The following RUNDC3B variants were observed in gnomAD, a reference collection of about 807,000 sequenced individuals.
The protein encoded by RUNDC3B is RUN domain containing 3B, also known as RUN domain-containing protein 3B.
A neutral mutation model predicts 58.4 loss-of-function variants in RUNDC3B; 33 were observed. The observed-to-expected ratio is 0.56, with a 90% CI of 0.43 to 0.75. RUNDC3B has a LOEUF of 0.75. RUNDC3B is among the 30% of genes least tolerant of loss of function. The pLI, the probability that RUNDC3B is intolerant of heterozygous loss-of-function variation, is 0.00. For missense variants in RUNDC3B, 501 were observed against 535.7 expected, an observed-to-expected ratio of 0.94 and a Z score of 0.64; for synonymous variants, 193 against 195.2, an observed-to-expected ratio of 0.99 and a Z score of 0.10.
At chr7:87,733,852 C>T (rs1831755450) in intron 4 of RUNDC3B, among the ~76,000 whole-genome samples, 2 of 152,200 alleles carry the variant, frequency 1.3e-5, no homozygotes, top group African/African-American at 4.8e-5. Context: ...CAGTTCCTAA[C>T]AGGCCACGGA....
At chr7:87,764,610 T>C (rs555401622) in intron 6 of RUNDC3B, among the ~76,000 whole-genome samples, 2 of 151,964 alleles carry the variant, frequency 1.3e-5, no homozygotes, top group East Asian at 3.9e-4. Flanking sequence ...TCCATCTTTA[T>C]GTCCATGTTT....
At chr7:87,778,154 A>T (rs1369054624) in intron 8 of RUNDC3B, among the ~76,000 whole-genome samples, 199 bp downstream of exon 8, 1 of 152,186 alleles carries the variant, frequency 6.6e-6, no homozygotes, top group Non-Finnish European at 1.5e-5. Context: ...AAAAAAATAC[A>T]AGAAGAGGCC....
At chr7:87,775,754 T>G (rs1194435253) in intron 7 of RUNDC3B, among the ~76,000 whole-genome samples, 1 of 152,202 alleles carries the variant, frequency 6.6e-6, no homozygotes, top group Non-Finnish European at 1.5e-5. Flanking sequence ...TGTATTACAA[T>G]TGCCTACAGT....
chr7:87,629,091 C>A, intron 1 of RUNDC3B, 146 bp downstream of exon 1: 1 of 758,102 alleles, frequency 1.3e-6, no homozygotes, highest in Non-Finnish European at 1.8e-6. Flanking sequence ...TGTGAGCGCG[C>A]AGCTCCTTGG....
At chr7:87,681,570 C>G (rs1404524370) in intron 2 of RUNDC3B, among the ~76,000 whole-genome samples, 3 of 150,668 alleles carry the variant, frequency 2.0e-5, no homozygotes, top group Non-Finnish European at 2.9e-5. Context: ...CCTAATTAAA[C>G]TACTTTACTG....
chr7:87,702,168 A>C (rs1219991713), intron 3 of RUNDC3B, among the ~76,000 whole-genome samples: 1 of 150,234 alleles, frequency 6.7e-6, no homozygotes, highest in Non-Finnish European at 1.5e-5. Context: ...AAAAAAAAAA[A>C]AAAACAGAGA....
chr7:87,713,383 C>A (rs564911658), intron 4 of RUNDC3B: 1 of 152,186 alleles, frequency 6.6e-6, no homozygotes, highest in Admixed American at 6.6e-5. Context: ...AAGCACTAAT[C>A]AGTGAAAACC....
chr7:87,682,897 A>G (rs1191400560), intron 2 of RUNDC3B, among the ~76,000 whole-genome samples: 2 of 152,216 alleles, frequency 1.3e-5, no homozygotes, highest in African/African-American at 4.8e-5. Context: ...TTACTATGAA[A>G]GGTTTAGATG....
intron 10 of RUNDC3B, among the ~76,000 whole-genome samples, chr7:87,824,176 A>G (rs1282588364): frequency 6.6e-6 from 1 of 151,296 alleles, no homozygotes; most frequent in Non-Finnish European, 1.5e-5. Flanking sequence ...GTCATAAGAC[A>G]GAAACATTTC....
At chr7:87,646,072 C>G (rs750249191) in intron 1 of RUNDC3B, among the ~76,000 whole-genome samples, 4 of 152,062 alleles carry the variant, frequency 2.6e-5, no homozygotes, top group Non-Finnish European at 5.9e-5. Flanking sequence ...ATTTGGACTT[C>G]GCTTTTGTTT....
At chr7:87,719,753 A>G (rs1015929648) in intron 4 of RUNDC3B, among the ~76,000 whole-genome samples, 5 of 151,790 alleles carry the variant, frequency 3.3e-5, no homozygotes, top group Non-Finnish European at 7.4e-5. Flanking sequence ...TAGCTCTGGG[A>G]TCAATCAATC....
chr7:87,669,890 GC>G (rs1400498397), intron 2 of RUNDC3B, among the ~76,000 whole-genome samples: 1 of 152,116 alleles, frequency 6.6e-6, no homozygotes. Flanking sequence ...TTTCTCTCTA[GC>G]TGCCTTTAAA....
intron 6 of RUNDC3B, among the ~76,000 whole-genome samples, chr7:87,751,503 T>C (rs1832982503): frequency 6.6e-6 from 1 of 152,234 alleles, no homozygotes; most frequent in Admixed American, 6.5e-5. Flanking sequence ...TGATTCTTCC[T>C]ATCCATGAGC....
At chr7:87,742,406 C>G (rs1180585210) in intron 6 of RUNDC3B, among the ~76,000 whole-genome samples, 1 of 152,116 alleles carries the variant, frequency 6.6e-6, no homozygotes, top group African/African-American at 2.4e-5. Flanking sequence ...ATTCTTATGC[C>G]TTTGCGTCCT....
At chr7:87,656,160 T>C (rs1824079593) in intron 2 of RUNDC3B, among the ~76,000 whole-genome samples, 1 of 152,172 alleles carries the variant, frequency 6.6e-6, no homozygotes, top group African/African-American at 2.4e-5. Context: ...GTAATATGTA[T>C]ATTAATTTGT....
intron 10 of RUNDC3B, among the ~76,000 whole-genome samples, chr7:87,827,996 A>G (rs1280497247): frequency 1.3e-5 from 2 of 152,152 alleles, no homozygotes; most frequent in Non-Finnish European, 2.9e-5. Flanking sequence ...AGAAAAAAGA[A>G]AGCAATAAAT....
chr7:87,730,823 G>C (rs1320849900), intron 4 of RUNDC3B, among the ~76,000 whole-genome samples: 1 of 151,998 alleles, frequency 6.6e-6, no homozygotes, highest in South Asian at 2.1e-4. Flanking sequence ...TCACAGGGGT[G>C]CATGTGTCAC....
chr7:87,819,709 A>G (rs1024892715), intron 10 of RUNDC3B, among the ~76,000 whole-genome samples: 2 of 152,224 alleles, frequency 1.3e-5, no homozygotes, highest in Admixed American at 1.3e-4. Flanking sequence ...AGTGCAATCA[A>G]ACTAGAACTC....
chr7:87,710,781 A>G, intron 4 of RUNDC3B, 126 bp downstream of exon 4: 1 of 523,432 alleles, frequency 1.9e-6, no homozygotes. Flanking sequence ...TTTTGTTACT[A>G]CTCAGATAAA....
Sources: allele counts gnomAD v4.1 joint callset (sites outside exome capture counted in the v4.1 genomes callset), GRCh38; gene constraint gnomAD v4.1.1; transcripts MANE v1.5; gene names NCBI Gene and HGNC (gene_info 2026-07-23, HGNC 2026-07-21).